The following C8orf34 variants were observed in gnomAD, a reference collection of about 807,000 sequenced individuals.
The protein encoded by C8orf34 is uncharacterized protein C8orf34.
Under a neutral mutation model 68.3 loss-of-function variants are expected in C8orf34, and 65 were observed. The observed-to-expected ratio is 0.95, with a 90% CI of 0.78 to 1.17. The LOEUF (loss-of-function observed/expected upper bound fraction) is 1.17. Among genes scored for constraint, C8orf34 ranks in the 50% most tolerant of loss-of-function variants. C8orf34 has a pLI of 0.00. For missense variants in C8orf34, 664 were observed against 655.4 expected (o/e 1.01, Z -0.14); for synonymous variants, 244 against 241.2 (o/e 1.01, Z -0.11).
chr8:68,532,365 G>A (rs1169119828), intron 6 of C8orf34, among the ~76,000 whole-genome samples: 4 of 152,058 alleles, frequency 2.6e-5, no homozygotes, highest in African/African-American at 9.7e-5. Flanking sequence ...GGTAAATGTT[G>A]ATATTAATAA....
At chr8:68,535,873 T>C in intron 7 of C8orf34, 3 of 981,356 alleles carry the variant, frequency 3.1e-6, no homozygotes, top group African/African-American at 1.7e-5. Flanking sequence ...AAATTGGTGC[T>C]GTAATTATAG....
intron 1 of C8orf34, among the ~76,000 whole-genome samples, chr8:68,398,032 G>A (rs543477468): frequency 2.0e-5 from 3 of 152,238 alleles, no homozygotes; most frequent in African/African-American, 4.8e-5. Flanking sequence ...GGCTCCCAAA[G>A]TGCTGAGATT....
chr8:68,332,535 A>G (rs1364595528), intron 1 of C8orf34, among the ~76,000 whole-genome samples: 1 of 152,024 alleles, frequency 6.6e-6, no homozygotes, highest in Non-Finnish European at 1.5e-5. Flanking sequence ...GATCGCGGAA[A>G]ACCTAGCAAA....
intron 4 of C8orf34, among the ~76,000 whole-genome samples, chr8:68,477,891 G>A (rs528315715): frequency 1.1e-3 from 165 of 152,292 alleles, no homozygotes; most frequent in African/African-American, 3.8e-3. Flanking sequence ...GAGCTGAAAC[G>A]GCTGGGACGC....
intron 8 of C8orf34, among the ~76,000 whole-genome samples, chr8:68,658,937 T>C (rs1023472192): frequency 2.6e-5 from 4 of 152,202 alleles, no homozygotes; most frequent in African/African-American, 7.2e-5. Flanking sequence ...CTTATAGGTG[T>C]AATCTTACCG....
At chr8:68,797,293 A>C (rs563914970) in intron 12 of C8orf34, among the ~76,000 whole-genome samples, 122 of 152,306 alleles carry the variant, frequency 8.0e-4, no homozygotes, top group Non-Finnish European at 1.6e-3. Flanking sequence ...GGGAAATTGA[A>C]GTTCCAAGAG....
intron 8 of C8orf34, among the ~76,000 whole-genome samples, chr8:68,702,374 G>T (rs1821043635): frequency 6.6e-6 from 1 of 152,112 alleles, no homozygotes; most frequent in Non-Finnish European, 1.5e-5. Flanking sequence ...AACTTTCAAA[G>T]CTTCCTTCTA....
intron 10 of C8orf34, among the ~76,000 whole-genome samples, chr8:68,774,199 G>T (rs1229631007): frequency 6.6e-6 from 1 of 151,956 alleles, no homozygotes; most frequent in African/African-American, 2.4e-5. Context: ...GGACTGACTG[G>T]TTCTGTCATG....
intron 10 of C8orf34, among the ~76,000 whole-genome samples, chr8:68,723,402 T>G (rs779765613): frequency 6.6e-6 from 1 of 152,138 alleles, no homozygotes; most frequent in Non-Finnish European, 1.5e-5. Context: ...GAACATATCC[T>G]TGTTTGCCAA....
At position 68,754,267 on chromosome 8, in the gene C8orf34, G is replaced by A. The variant is rs145388910; in HGVS notation, c.1405-22132G>A. Among the ~76,000 whole-genome samples, 70 of 152,206 alleles carry A rather than the reference G, an allele frequency of 4.6e-4. 1 individual carries two copies. In the East Asian group the frequency reaches 0.012, roughly 27 times the overall value. ...TTGACCTTAGAAAAAGTAAAATCCTGAAAAAGTGTATCCTGAAAGCGTTAC... is the reference window on the plus strand; with the variant it reads ...TTGACCTTAGAAAAAGTAAAATCCTAAAAAAGTGTATCCTGAAAGCGTTAC... On this transcript the variant is annotated intron_variant, in intron 10 of 13. Coordinates refer to ENST00000518698, the MANE Select transcript of C8orf34 (RefSeq NM_052958.4).
At chr8:68,773,704 T>C (rs1410892689) in intron 10 of C8orf34, among the ~76,000 whole-genome samples, 1 of 152,064 alleles carries the variant, frequency 6.6e-6, no homozygotes, top group Non-Finnish European at 1.5e-5. Context: ...GTCTTTTGCT[T>C]TATGCTCCTC....
chr8:68,685,854 G>A (rs1449553064), intron 8 of C8orf34, among the ~76,000 whole-genome samples: 1 of 149,850 alleles, frequency 6.7e-6, no homozygotes, highest in Non-Finnish European at 1.5e-5. Flanking sequence ...TCCAGCCTGG[G>A]TGACAGAGTG....
chr8:68,577,060 CT>C (rs1012081674), intron 7 of C8orf34, among the ~76,000 whole-genome samples: 66 of 152,100 alleles, frequency 4.3e-4, no homozygotes, highest in African/African-American at 1.6e-3. Context: ...TCAAAGTGTG[CT>C]TTTTTCGATC....
At chr8:68,513,888 C>T (rs1458305263) in intron 5 of C8orf34, among the ~76,000 whole-genome samples, 5 of 151,722 alleles carry the variant, frequency 3.3e-5, no homozygotes, top group African/African-American at 9.7e-5. Flanking sequence ...TGAAAAAGCC[C>T]GGGAGTGATG....
chr8:68,782,576 C>A (rs1381142135), intron 11 of C8orf34, among the ~76,000 whole-genome samples: 1 of 151,966 alleles, frequency 6.6e-6, no homozygotes, highest in African/African-American at 2.4e-5. Flanking sequence ...CATTCTATCC[C>A]AAAAGAGACT....
At chr8:68,725,544 G>C (rs1040116317) in intron 10 of C8orf34, among the ~76,000 whole-genome samples, 7 of 152,176 alleles carry the variant, frequency 4.6e-5, no homozygotes, top group African/African-American at 1.4e-4. Context: ...TATTTGTACA[G>C]CACTTTTTAA....
chr8:68,726,839 G>T, intron 10 of C8orf34, among the ~76,000 whole-genome samples: 1 of 95,582 alleles, frequency 1.0e-5, no homozygotes, highest in East Asian at 2.5e-4. Flanking sequence ...TGGCCCCCAT[G>T]ATTCAATAAC....
In C8orf34 at chr8:68,521,918, A is replaced by G. The variant is rs1814772844; in HGVS notation, c.885A>G (p.Arg295=). The stretch of plus-strand genomic sequence containing the variant: ...AAATGCTACAGCCTCCAATTCCAAG[A>G]AGCAAAAATGACCAATGGGAAAGTG... ...AAEMLQPPIP[R]SKNDQWESED... Residue 295 remains arginine (R), a synonymous_variant, in exon 6 of 14, where the codon AGA becomes AGG. Coordinates refer to ENST00000518698, the MANE Select transcript of C8orf34 (RefSeq NM_052958.4). The G allele has an allele frequency of 6.2e-7, 1 of 1,614,114 alleles. No homozygotes were observed. The highest frequency in any genetic ancestry group is 1.3e-5 in the African/African-American group (1 of 75,050).
chr8:68,666,520 A>C (rs1246190498), intron 8 of C8orf34, among the ~76,000 whole-genome samples: 1 of 152,232 alleles, frequency 6.6e-6, no homozygotes, highest in Non-Finnish European at 1.5e-5. Context: ...TTAGCAAATG[A>C]TGTGTATACA....
Sources: allele counts gnomAD v4.1 joint callset (sites outside exome capture counted in the v4.1 genomes callset), GRCh38; gene constraint gnomAD v4.1.1; transcripts MANE v1.5; gene names NCBI Gene and HGNC (gene_info 2026-07-23, HGNC 2026-07-21).